Variants in PLCB4 observed in about 807,000 individuals in gnomAD.
The protein encoded by PLCB4 is phospholipase C beta 4.
PLCB4 carries 77 observed loss-of-function variants against 178.8 expected under a neutral mutation model. The ratio of observed to expected loss-of-function variants is 0.43; its 90% CI spans 0.36 to 0.52. The LOEUF (loss-of-function observed/expected upper bound fraction) is 0.52. Ranked by LOEUF, PLCB4 falls within the 20% of genes least tolerant of loss-of-function variation. The pLI is 0.00. For missense variants in PLCB4, 1,024 were observed against 1,453.4 expected (o/e 0.70, Z 4.80); for synonymous variants, 496 against 490.8 (o/e 1.01, Z -0.14).
chr20:9,394,404 A>G (rs779096114), intron 18 of PLCB4, among the ~76,000 whole-genome samples: 3 of 152,292 alleles, frequency 2.0e-5, no homozygotes, highest in Non-Finnish European at 2.9e-5. Flanking sequence ...CTATAGACAC[A>G]TGTACGTAAT....
intron 2 of PLCB4, among the ~76,000 whole-genome samples, chr20:9,186,997 T>C (rs1431567484): frequency 1.3e-5 from 2 of 152,060 alleles, no homozygotes; most frequent in Non-Finnish European, 2.9e-5. Flanking sequence ...TTTTTTGAGA[T>C]GGAGTCTTGC....
At chr20:9,427,982 G>A (rs546706219) in intron 28 of PLCB4, among the ~76,000 whole-genome samples, 22 of 152,156 alleles carry the variant, frequency 1.4e-4, no homozygotes, top group African/African-American at 4.8e-4. Context: ...GGAAGATGAA[G>A]TGACCCTCTA....
intron 24 of PLCB4, 59 bp downstream of exon 24, chr20:9,409,240 C>T (rs2039682786): frequency 2.1e-6 from 3 of 1,430,262 alleles, no homozygotes; most frequent in South Asian, 1.4e-5. Context: ...AGGATGGTGC[C>T]AGCACTTCCC....
intron 2 of PLCB4, among the ~76,000 whole-genome samples, chr20:9,216,064 C>T (rs2093727684): frequency 6.6e-6 from 1 of 152,204 alleles, no homozygotes; most frequent in Admixed American, 6.5e-5. Flanking sequence ...CATCTCTATA[C>T]ATAGATCGTG....
intron 2 of PLCB4, among the ~76,000 whole-genome samples, chr20:9,173,946 G>C (rs909304767): frequency 3.9e-5 from 6 of 151,958 alleles, no homozygotes; most frequent in Non-Finnish European, 8.8e-5. Flanking sequence ...TATTTCCCTG[G>C]AGTTGGATAT....
intron 2 of PLCB4, among the ~76,000 whole-genome samples, chr20:9,160,160 T>A (rs113970774): frequency 1.1e-3 from 175 of 152,264 alleles, no homozygotes; most frequent in African/African-American, 3.9e-3. Flanking sequence ...GTTTCATCTG[T>A]TGAGTAGAGA....
At chr20:9,273,948 G>A (rs1026730784) in intron 3 of PLCB4, among the ~76,000 whole-genome samples, 4 of 152,054 alleles carry the variant, frequency 2.6e-5, no homozygotes, top group African/African-American at 9.7e-5. Flanking sequence ...TAACTAGGAA[G>A]CTTTGCAGCA....
chr20:9,123,064 A>T (rs570694145), intron 2 of PLCB4, among the ~76,000 whole-genome samples: 3 of 152,284 alleles, frequency 2.0e-5, no homozygotes, highest in Admixed American at 2.0e-4. Flanking sequence ...ATATTTTTTT[A>T]AATCAAGAGA....
intron 2 of PLCB4, among the ~76,000 whole-genome samples, chr20:9,191,545 A>G (rs186149020): frequency 6.6e-4 from 100 of 152,158 alleles, no homozygotes; most frequent in Middle Eastern, 6.8e-3. Flanking sequence ...CTATTTTATT[A>G]TAGAATCATG....
chr20:9,407,829 A>G, intron 21 of PLCB4, 88 bp from the exon 22 acceptor site: 1 of 1,125,756 alleles, frequency 8.9e-7, no homozygotes, highest in South Asian at 1.7e-5. Flanking sequence ...GTGTGTGTGC[A>G]ATTATCTTTA....
Position 9,095,412 on chromosome 20 carries a change from C to T in PLCB4, c.-134-875C>T, listed in dbSNP as rs138873399. Among the ~76,000 whole-genome samples, 1,169 of 152,172 alleles carry T rather than the reference C, an allele frequency of 7.7e-3. 7 individuals are homozygous for T. Among genetic ancestry groups the T allele is most frequent in the Middle Eastern group, 0.034 (10 of 294 alleles). On this transcript the variant is annotated intron_variant, in intron 1 of 39. Coordinates refer to ENST00000378473, the MANE Select transcript of PLCB4 (RefSeq NM_001377142.1). ...TCCCCATTGGAAGTTAAATTACAGA[C>T]GGAACCAAACATATATCATGGTCAG...
In PLCB4 at chr20:9,192,610, C is replaced by T. The variant is rs1412179269; in HGVS notation, c.-78-24780C>T. On this transcript the variant is annotated intron_variant, in intron 2 of 39. Transcript: ENST00000378473. ...GTGTGATCACCGTTCACTGTAGCCT[C>T]GTCCTCCCAGGGTCTCCATAGGGAG... Among the ~76,000 whole-genome samples the T allele has an allele frequency of 3.4e-5, 5 of 147,420 alleles. 1 individual carries two copies. The highest frequency in any genetic ancestry group is 4.3e-4 in the South Asian group (2 of 4,610).
chr20:9,307,431 T>C (rs1360867135), intron 3 of PLCB4, among the ~76,000 whole-genome samples: 1 of 151,956 alleles, frequency 6.6e-6, no homozygotes, highest in Non-Finnish European at 1.5e-5. Context: ...GCCTCTCTTA[T>C]GTATTGATTT....
At chr20:9,243,867 A>G (rs2094095128) in intron 3 of PLCB4, among the ~76,000 whole-genome samples, 1 of 152,212 alleles carries the variant, frequency 6.6e-6, no homozygotes, top group Non-Finnish European at 1.5e-5. Flanking sequence ...TCTCATAGGT[A>G]ACTGTGAGGT....
intron 37 of PLCB4, 45 bp downstream of exon 37, chr20:9,472,892 A>T (rs373709029): frequency 9.0e-7 from 1 of 1,107,920 alleles, no homozygotes; most frequent in Non-Finnish European, 1.4e-6. Context: ...TTAAAAAACT[A>T]TAAACAATAA....
chr20:9,393,458 G>C, intron 17 of PLCB4, 130 bp from the exon 18 acceptor site: 2 of 610,622 alleles, frequency 3.3e-6, no homozygotes, highest in South Asian at 4.0e-5. Context: ...AAAACAGAAG[G>C]CTGTGCCGCC....
At chr20:9,372,657 C>T (rs1464182999) in intron 11 of PLCB4, among the ~76,000 whole-genome samples, 2 of 151,944 alleles carry the variant, frequency 1.3e-5, no homozygotes, top group African/African-American at 4.8e-5. Flanking sequence ...CAATTTTAAC[C>T]TGCTCCTTTA....
chr20:9,220,236 T>A (rs936519883), intron 3 of PLCB4, among the ~76,000 whole-genome samples: 11 of 152,210 alleles, frequency 7.2e-5, no homozygotes, highest in African/African-American at 2.4e-4. Context: ...TAAACAACCC[T>A]TGATAACTTC....
chr20:9,154,807 TTTTCC>T lies in PLCB4; in HGVS notation c.-79+58481_-79+58485del, dbSNP rs1164018666. On this transcript the variant is annotated intron_variant, in intron 2 of 39. Transcript: ENST00000378473. ...TCCTTTCCCTCTTTCCTTTCCTTTC[TTTTCC>T]TTTCCTTTCCTTTCCCTCCCTTCTT... is the stretch of plus-strand genomic sequence containing the variant. Among the ~76,000 whole-genome samples the T allele has an allele frequency of 1.4e-4, 20 of 144,504 alleles. No individual in the cohort carries two copies. In the East Asian group the frequency reaches 2.0e-3, roughly 14 times the overall value. 94.8% of individuals were successfully genotyped at this position (144,504 alleles called of 152,430 possible).
Sources: allele counts gnomAD v4.1 joint callset (sites outside exome capture counted in the v4.1 genomes callset), GRCh38; gene constraint gnomAD v4.1.1; transcripts MANE v1.5; gene names NCBI Gene and HGNC (gene_info 2026-07-23, HGNC 2026-07-21).